CREBRF: variants seen among roughly 807,000 people sequenced by gnomAD.
CREBRF encodes the protein CREB3 regulatory factor.
In CREBRF, 5 loss-of-function variants were observed where a neutral mutation model predicts 66.1. The ratio of observed to expected loss-of-function variants is 0.08; its 90% CI spans 0.04 to 0.16. The LOEUF is 0.16. Ranked by LOEUF, CREBRF falls within the 10% of genes least tolerant of loss-of-function variation. The pLI is 1.00. For synonymous variants in CREBRF, 229 were observed against 264.4 expected, an observed-to-expected ratio of 0.87 and a Z score of 1.30; for missense variants, 531 against 744.9, an observed-to-expected ratio of 0.71 and a Z score of 3.34.
intron 7 of CREBRF, among the ~76,000 whole-genome samples, chr5:173,118,197 A>G (rs537858392): frequency 9.0e-4 from 137 of 152,018 alleles, no homozygotes; most frequent in Non-Finnish European, 1.7e-3. Flanking sequence ...TTTAGTAGAG[A>G]CAGGGTTATG....
At chr5:173,098,369 A>G (rs1758530497) in intron 4 of CREBRF, among the ~76,000 whole-genome samples, 1 of 151,860 alleles carries the variant, frequency 6.6e-6, no homozygotes, top group South Asian at 2.1e-4. Flanking sequence ...TGTATTTTTT[A>G]GTAGAGATGG....
At position 173,090,504 on chromosome 5, in the gene CREBRF, A is replaced by G. The variant is rs372973206; in HGVS notation, c.325A>G (p.Ile109Val). The G allele has an allele frequency of 6.2e-7, 1 of 1,613,442 alleles. No individual in the cohort carries two copies. The highest frequency in any genetic ancestry group is 8.5e-7 in the Non-Finnish European group (1 of 1,179,338). The change falls in exon 4 of 9, where the codon ATC becomes GTC. Residue 109 changes from isoleucine to valine, a missense_variant. Physicochemically the swap from Ile to Val is conservative, Grantham distance 29 (BLOSUM62 3). Transcript: ENST00000296953. The surrounding 1 kb of genome is among the most constrained non-coding windows in gnomAD (Gnocchi z 4.5). Reference sequence around the variant, plus strand: ...ATATACCAAACTAACCAGCTGTGACATCTGGGGAACAAAAGAAGTGGATTA... The same window carrying G: ...ATATACCAAACTAACCAGCTGTGACGTCTGGGGAACAAAAGAAGTGGATTA... ...TKYTKLTSCD[I>V]WGTKEVDYLG...
In CREBRF at chr5:173,110,616, A is replaced by T; in HGVS notation, c.1512A>T (p.Lys504Asn). Residue 504 changes from lysine (K) to asparagine (N), a missense_variant, in exon 6 of 9, where the codon AAA (lysine) becomes AAT (asparagine). By Grantham distance (94) the Lys-to-Asn change is moderately conservative. This residue lies in a region of CREBRF where 25 missense variants were observed against 55.3 expected (regional missense o/e 0.45). Coordinates refer to ENST00000296953, the MANE Select transcript of CREBRF (RefSeq NM_153607.3). ...KLLQIGNELR[K>N]LNKVISDLTP... ...TCCAGATAGGCAATGAACTTCGGAA[A>T]CTGAATAAGGTGATTAGTGACCTGA... The T allele has an allele frequency of 1.9e-6, 3 of 1,614,142 alleles. No individual in the cohort carries two copies. The highest frequency in any genetic ancestry group is 2.5e-6 in the Non-Finnish European group (3 of 1,179,976).
At chr5:173,119,011 C>G (rs1338017108) in intron 7 of CREBRF, among the ~76,000 whole-genome samples, 1 of 152,140 alleles carries the variant, frequency 6.6e-6, no homozygotes, top group Middle Eastern at 3.2e-3. Context: ...CAGGCATGAG[C>G]CATTGCACCC....
In CREBRF at chr5:173,086,315, C is replaced by T. The variant is rs1375969074; in HGVS notation, c.10-186C>T. On this transcript the variant is annotated intron_variant, in intron 2 of 8. Transcript: ENST00000296953. ...TATTTTTTCTATTTTTAGGTATTTT[C>T]CTAATATAAGTCTACAGTTCAGTGT... The T allele has an allele frequency of 1.3e-4, 87 of 646,178 alleles. No homozygotes were observed. In the African/African-American group the frequency reaches 1.4e-3, roughly 11 times the overall value. The allele number at this position is 646,178 out of a possible 1,614,324, so 40.0% of individuals were successfully genotyped here. A position where few individuals can be genotyped will look rare whatever the true frequency, so the allele number is the denominator to read the frequency against.
intron 7 of CREBRF, among the ~76,000 whole-genome samples, chr5:173,114,098 G>T (rs1758930952): frequency 6.6e-6 from 1 of 152,136 alleles, no homozygotes; most frequent in African/African-American, 2.4e-5. Context: ...CTTTTATCTT[G>T]ATTATTTTGT....
intron 1 of CREBRF, chr5:173,060,254 G>A (rs1394430895): frequency 1.4e-5 from 2 of 144,352 alleles, no homozygotes; most frequent in African/African-American, 2.6e-5. Context: ...TTTTTGAGAC[G>A]GAGTCTAACT....
intron 7 of CREBRF, among the ~76,000 whole-genome samples, chr5:173,116,804 A>C (rs1277729753): frequency 2.0e-5 from 3 of 152,186 alleles, no homozygotes; most frequent in African/African-American, 7.2e-5. Context: ...AAACTGCTAA[A>C]CTGTTTTCCC....
intron 7 of CREBRF, among the ~76,000 whole-genome samples, chr5:173,115,835 C>G (rs1050841322): frequency 2.0e-5 from 3 of 152,056 alleles, no homozygotes; most frequent in Admixed American, 6.6e-5. Context: ...TGGTCTTGAT[C>G]TCCTGACCTC....
At chr5:173,103,038 A>T (rs1376527212) in intron 4 of CREBRF, among the ~76,000 whole-genome samples, 1 of 151,946 alleles carries the variant, frequency 6.6e-6, no homozygotes, top group Non-Finnish European at 1.5e-5. Context: ...CATCCCTTTG[A>T]CTCTCACAGG....
chr5:173,056,846 G>A (rs572532137), intron 1 of CREBRF, among the ~76,000 whole-genome samples: 5 of 151,852 alleles, frequency 3.3e-5, no homozygotes, highest in African/African-American at 1.2e-4. Flanking sequence ...CGGGGCCGCT[G>A]CTGCCGGCAG....
At chr5:173,094,343 T>A (rs966676818) in intron 4 of CREBRF, among the ~76,000 whole-genome samples, 1 of 152,214 alleles carries the variant, frequency 6.6e-6, no homozygotes, top group African/African-American at 2.4e-5. Context: ...TATTTTTAAT[T>A]TTTTGAGGAA....
chr5:173,129,638 T>A (rs535381578), intron 8 of CREBRF, among the ~76,000 whole-genome samples: 1 of 149,298 alleles, frequency 6.7e-6, no homozygotes, highest in African/African-American at 2.5e-5. Flanking sequence ...GGCGAGAGGA[T>A]CGCTTTTGCC....
chr5:173,085,508 C>A, intron 2 of CREBRF: 1 of 541,348 alleles, frequency 1.8e-6, no homozygotes, highest in South Asian at 2.2e-5. Flanking sequence ...CCTTCGCCTC[C>A]CAGGTTCAAG....
At chr5:173,074,734 T>G (rs1469903302) in intron 1 of CREBRF, among the ~76,000 whole-genome samples, 1 of 152,184 alleles carries the variant, frequency 6.6e-6, no homozygotes, top group Admixed American at 6.5e-5. Flanking sequence ...GTGATTCTCC[T>G]GTCTCAGCTG....
chr5:173,093,778 A>G (rs897632232), intron 4 of CREBRF, among the ~76,000 whole-genome samples: 2 of 152,176 alleles, frequency 1.3e-5, no homozygotes, highest in Non-Finnish European at 2.9e-5. Context: ...CAGCCTTCCA[A>G]AGTGCTGGAA....
intron 1 of CREBRF, among the ~76,000 whole-genome samples, chr5:173,068,645 GA>G (rs200701353): frequency 0.061 from 9,257 of 152,228 alleles, 343 homozygotes; most frequent in Middle Eastern, 0.17. Context: ...TTCTTTTGCT[GA>G]TTAAACCAGC....
At chr5:173,062,982 C>T (rs796344562) in intron 1 of CREBRF, among the ~76,000 whole-genome samples, 10 of 152,040 alleles carry the variant, frequency 6.6e-5, no homozygotes, top group African/African-American at 2.4e-4. Flanking sequence ...CTCCTGACCT[C>T]GTGATCCGCC....
At chr5:173,094,569 C>A (rs1168490964) in intron 4 of CREBRF, among the ~76,000 whole-genome samples, 1 of 151,982 alleles carries the variant, frequency 6.6e-6, no homozygotes, top group Admixed American at 6.6e-5. Context: ...TACTTGTTGG[C>A]CATTTGGATG....
Sources: gnomAD v4.1 joint callset for allele counts (sites outside exome capture counted in the v4.1 genomes callset) on GRCh38, gnomAD v4.1.1 for gene constraint, gnomAD v4.1.1 regional missense constraint, Gnocchi (gnomAD v3.1) non-coding constraint, MANE v1.5 for transcripts, NCBI Gene and HGNC (gene_info 2026-07-23, HGNC 2026-07-21) for gene names.